The following WDR27 variants were observed in gnomAD, a reference collection of about 807,000 sequenced individuals.
WDR27 encodes the protein WD repeat-containing protein 27.
Under a neutral mutation model 114.4 loss-of-function variants are expected in WDR27, and 100 were observed. That is an observed-to-expected ratio of 0.87 (90% CI 0.74 to 1.03). The LOEUF (loss-of-function observed/expected upper bound fraction) is 1.03. Ranked by LOEUF, WDR27 falls within the 50% of genes least tolerant of loss-of-function variation. WDR27 has a pLI of 0.00. For synonymous variants in WDR27, 449 were observed against 423.1 expected (o/e 1.06, Z -0.75); for missense variants, 1,129 against 1,092.9 (o/e 1.03, Z -0.47).
chr6:169,691,896 A>G (rs1784592548), intron 1 of WDR27, among the ~76,000 whole-genome samples: 1 of 152,216 alleles, frequency 6.6e-6, no homozygotes, highest in Non-Finnish European at 1.5e-5. Context: ...GGATGGACTG[A>G]AAGGCATGTG....
intron 2 of WDR27, among the ~76,000 whole-genome samples, chr6:169,679,598 G>A (rs1384927809): frequency 6.6e-6 from 1 of 152,142 alleles, no homozygotes; most frequent in African/African-American, 2.4e-5. Context: ...ATTTAAAAGT[G>A]TATGGCACCT....
chr6:169,557,116 T>C (rs1799012308), intron 25 of WDR27, among the ~76,000 whole-genome samples: 1 of 152,184 alleles, frequency 6.6e-6, no homozygotes, highest in Non-Finnish European at 1.5e-5. Flanking sequence ...GCAGCATTAT[T>C]TGTAATCACC....
chr6:169,551,716 A>G (rs556955913), intron 25 of WDR27, among the ~76,000 whole-genome samples: 4 of 138,014 alleles, frequency 2.9e-5, no homozygotes, highest in African/African-American at 1.0e-4. Context: ...CAGCCTGGGC[A>G]ATAAGAGCGA....
chr6:169,515,588 T>C (rs905297128), intron 25 of WDR27, among the ~76,000 whole-genome samples: 3 of 152,078 alleles, frequency 2.0e-5, no homozygotes, highest in Non-Finnish European at 4.4e-5. Context: ...GGTATATGAA[T>C]AAAAGTGTTC....
chr6:169,675,238 C>T (rs991252193), intron 2 of WDR27, among the ~76,000 whole-genome samples: 1 of 152,040 alleles, frequency 6.6e-6, no homozygotes, highest in African/African-American at 2.4e-5. Context: ...ATGGTGCCAT[C>T]CTCACCATGG....
intron 25 of WDR27, among the ~76,000 whole-genome samples, chr6:169,546,594 G>A (rs991852238): frequency 8.5e-5 from 13 of 152,212 alleles, no homozygotes; most frequent in Admixed American, 6.5e-4. Context: ...ACCTGAGGCC[G>A]TCTCTTCTCC....
chr6:169,656,678 C>T (rs1295198021), intron 13 of WDR27, among the ~76,000 whole-genome samples: 1 of 152,136 alleles, frequency 6.6e-6, no homozygotes, highest in Non-Finnish European at 1.5e-5. Context: ...TGGGATGGCC[C>T]AGGAGGAGGC....
At chr6:169,668,465 A>G (rs1828507287) in intron 4 of WDR27, 1 of 382,554 alleles carries the variant, frequency 2.6e-6, no homozygotes, top group South Asian at 2.6e-5. Context: ...CCAATCCCTC[A>G]GCATCTGTTC....
chr6:169,451,345 T>C, the WDR27 span, among the ~76,000 whole-genome samples: 1 of 152,218 alleles, frequency 6.6e-6, no homozygotes, highest in South Asian at 2.1e-4. Context: ...CATATAATGA[T>C]TGATGTCTCA....
At chr6:169,672,153 C>G (rs759581335) in intron 3 of WDR27, 102 bp downstream of exon 3, 12 of 1,228,724 alleles carry the variant, frequency 9.8e-6, no homozygotes, top group African/African-American at 1.5e-5. Context: ...CGAGGGACTG[C>G]TGTTACCCAA....
At chr6:169,616,051 T>C (rs1252458977) in intron 21 of WDR27, among the ~76,000 whole-genome samples, 2 of 149,386 alleles carry the variant, frequency 1.3e-5, no homozygotes, top group African/African-American at 4.9e-5. Context: ...AAAAAACAGA[T>C]ATAAGGTAAA....
intron 23 of WDR27, among the ~76,000 whole-genome samples, chr6:169,590,843 T>C (rs766140572): frequency 4.8e-4 from 73 of 152,364 alleles, no homozygotes; most frequent in South Asian, 1.2e-3. Flanking sequence ...TGGGATAATA[T>C]GCCATTCTGT....
intron 23 of WDR27, among the ~76,000 whole-genome samples, chr6:169,594,030 A>T (rs913079197): frequency 6.6e-6 from 1 of 151,880 alleles, no homozygotes; most frequent in Admixed American, 6.6e-5. Context: ...ATATTCATTT[A>T]TTTTTTCCCT....
chr6:169,685,263 T>G (rs1311187099), intron 2 of WDR27, among the ~76,000 whole-genome samples: 2 of 133,336 alleles, frequency 1.5e-5, no homozygotes, highest in Non-Finnish European at 3.2e-5. Flanking sequence ...ACCATGAAAA[T>G]CAAAGAAAAA....
chr6:169,575,475 C>T (rs757037837), intron 24 of WDR27, among the ~76,000 whole-genome samples: 17 of 152,026 alleles, frequency 1.1e-4, no homozygotes, highest in Admixed American at 9.2e-4. Context: ...GTTTCTGTAA[C>T]ATGTGTTTTA....
At chr6:169,587,180 G>A (rs894390511) in intron 23 of WDR27, among the ~76,000 whole-genome samples, 1 of 142,230 alleles carries the variant, frequency 7.0e-6, no homozygotes, top group African/African-American at 2.6e-5. Flanking sequence ...CTAAAAACCT[G>A]TTCAGGAAGA....
intron 25 of WDR27, chr6:169,558,370 C>T (rs747439039): frequency 6.6e-5 from 10 of 152,022 alleles, no homozygotes; most frequent in South Asian, 2.1e-4. Context: ...ATAATTCATG[C>T]TTAGAATATC....
intron 25 of WDR27, among the ~76,000 whole-genome samples, chr6:169,561,581 C>CA (rs971280519): frequency 4.2e-4 from 61 of 145,074 alleles, no homozygotes; most frequent in Admixed American, 6.2e-4. Context: ...CCTAAGAAGC[C>CA]AAAAAAAAAG....
At chr6:169,497,998 A>C (rs1055171162) in intron 25 of WDR27, among the ~76,000 whole-genome samples, 2 of 152,210 alleles carry the variant, frequency 1.3e-5, no homozygotes, top group Non-Finnish European at 2.9e-5. Flanking sequence ...AAAACATGGA[A>C]GCAACACAAT....
Sources: allele counts gnomAD v4.1 joint callset (sites outside exome capture counted in the v4.1 genomes callset), GRCh38; gene constraint gnomAD v4.1.1; transcripts MANE v1.5; gene names NCBI Gene and HGNC (gene_info 2026-07-23, HGNC 2026-07-21).